The following TBC1D5 variants were observed in gnomAD, a reference collection of about 807,000 sequenced individuals.
The protein encoded by TBC1D5 is TBC1 domain family member 5.
TBC1D5 carries 75 observed loss-of-function variants against 100.3 expected under a neutral mutation model. That is an observed-to-expected ratio of 0.75 (90% confidence interval 0.62 to 0.91). TBC1D5 has a LOEUF of 0.91. Among genes scored for constraint, TBC1D5 ranks in the 40% least tolerant of loss-of-function variants. The pLI is 0.00. For synonymous variants in TBC1D5, 323 were observed against 325.6 expected, an observed-to-expected ratio of 0.99 and a Z score of 0.09; for missense variants, 910 against 942.4, an observed-to-expected ratio of 0.97 and a Z score of 0.45.
intron 21 of TBC1D5, 56 bp from the exon 23 acceptor site, chr3:17,161,312 G>C (rs1441622290): frequency 1.3e-6 from 2 of 1,542,480 alleles, no homozygotes; most frequent in African/African-American, 2.7e-5. Context: ...GCAAAGAACT[G>C]AGTGGAAGGC....
intron 19 of TBC1D5, among the ~76,000 whole-genome samples, chr3:17,180,079 G>A (rs867899653): frequency 6.6e-6 from 1 of 152,324 alleles, no homozygotes; most frequent in Middle Eastern, 3.4e-3. Context: ...TCAACTCACT[G>A]TCAGGATGAC....
chr3:17,454,004 G>A (rs542262327), intron 3 of TBC1D5, among the ~76,000 whole-genome samples: 1 of 152,124 alleles, frequency 6.6e-6, no homozygotes, highest in Non-Finnish European at 1.5e-5. Flanking sequence ...TGGAATGAAG[G>A]ATAAAAACCA....
chr3:17,326,511 T>C (rs941130433), intron 13 of TBC1D5, among the ~76,000 whole-genome samples: 8 of 152,210 alleles, frequency 5.3e-5, no homozygotes, highest in Admixed American at 3.9e-4. Flanking sequence ...CTCACTCTGT[T>C]GCCCAGGCTG....
chr3:17,545,394 G>A (rs9682885), intron 2 of TBC1D5, among the ~76,000 whole-genome samples: 99 of 152,316 alleles, frequency 6.5e-4, no homozygotes, highest in African/African-American at 2.3e-3. Context: ...CAGACTTACA[G>A]CTTCCAAAAC....
chr3:17,396,127 TGTGAACAA>T (rs2093498355), intron 8 of TBC1D5, among the ~76,000 whole-genome samples: 1 of 152,082 alleles, frequency 6.6e-6, no homozygotes, highest in Non-Finnish European at 1.5e-5. Context: ...CTTTCTCGGC[TGTGAACAA>T]GTGCATATGT....
intron 3 of TBC1D5, among the ~76,000 whole-genome samples, chr3:17,470,447 G>C (rs1422794812): frequency 1.3e-5 from 2 of 152,108 alleles, no homozygotes; most frequent in African/African-American, 2.4e-5. Context: ...AACACCCTAA[G>C]AATTTGTGTT....
chr3:17,526,997 T>C (rs1403824600), intron 2 of TBC1D5, among the ~76,000 whole-genome samples: 3 of 152,208 alleles, frequency 2.0e-5, no homozygotes, highest in African/African-American at 7.2e-5. Context: ...TTAGTACTTA[T>C]TGAATCCTCC....
At chr3:17,239,126 T>C (rs2149050703) in intron 16 of TBC1D5, among the ~76,000 whole-genome samples, 1 of 152,272 alleles carries the variant, frequency 6.6e-6, no homozygotes, top group Admixed American at 6.5e-5. Flanking sequence ...CAAATACAAG[T>C]TTCATGAGGG....
At chr3:17,180,976 A>G (rs1335533160) in intron 19 of TBC1D5, among the ~76,000 whole-genome samples, 2 of 152,092 alleles carry the variant, frequency 1.3e-5, no homozygotes, top group African/African-American at 2.4e-5. Flanking sequence ...CTCGATATGA[A>G]TGGAACTTTG....
chr3:17,559,697 C>T (rs1455038845), intron 2 of TBC1D5, among the ~76,000 whole-genome samples: 2 of 151,754 alleles, frequency 1.3e-5, no homozygotes, highest in South Asian at 2.1e-4. Context: ...TCAAGCGATT[C>T]TCCTGCCTCA....
At chr3:17,380,045 ATGTGTGTGTGTGTGTGTGTGTGTG>A (rs3041142) in intron 9 of TBC1D5, among the ~76,000 whole-genome samples, 5 of 112,450 alleles carry the variant, frequency 4.4e-5, no homozygotes, top group African/African-American at 2.0e-4. Flanking sequence ...GTGACTGTGT[ATGTGTGTGTGTGTGTGTGTGTGTG>A]TGTGTGTGTG....
intron 3 of TBC1D5, among the ~76,000 whole-genome samples, chr3:17,429,219 C>T (rs767980094): frequency 6.6e-6 from 1 of 151,796 alleles, no homozygotes; most frequent in South Asian, 2.1e-4. Flanking sequence ...ACAAATTATA[C>T]ATATCAATTT....
chr3:17,409,806 CAAAGA>C (rs1400462153), intron 4 of TBC1D5, among the ~76,000 whole-genome samples: 1 of 151,974 alleles, frequency 6.6e-6, no homozygotes, highest in East Asian at 1.9e-4. Flanking sequence ...AGGAAGCTGC[CAAAGA>C]AAAGTTGGAA....
At chr3:17,667,362 T>C (rs1255055029) in intron 1 of TBC1D5, among the ~76,000 whole-genome samples, 1 of 152,172 alleles carries the variant, frequency 6.6e-6, no homozygotes, top group African/African-American at 2.4e-5. Context: ...AAAAACATAA[T>C]TTATTAAGCC....
At chr3:17,256,362 T>C (rs1370460196) in intron 16 of TBC1D5, among the ~76,000 whole-genome samples, 1 of 149,272 alleles carries the variant, frequency 6.7e-6, no homozygotes, top group Non-Finnish European at 1.5e-5. Context: ...TCAAGATACT[T>C]TGCACAAGAA....
intron 3 of TBC1D5, among the ~76,000 whole-genome samples, chr3:17,484,673 A>G (rs1255026765): frequency 6.6e-6 from 1 of 152,002 alleles, no homozygotes; most frequent in Non-Finnish European, 1.5e-5. Context: ...TCATAGAGAT[A>G]GGGTCTTCCC....
chr3:17,399,864 TG>T lies in TBC1D5; in HGVS notation c.509+3316del, dbSNP rs376920581. Among the ~76,000 whole-genome samples, 363 of 152,250 alleles carry T rather than the reference TG, an allele frequency of 2.4e-3. 2 individuals are homozygous for T. Among genetic ancestry groups the T allele is most frequent in the African/African-American group, 8.1e-3 (336 of 41,566 alleles). ...GCCCTAGCTACTCCCTCTGTCTACA[TG>T]TTCTTGCCCTAGTTCTTCAGATGTC... is the stretch of plus-strand genomic sequence containing the variant. On this transcript the variant is annotated intron_variant, in intron 8 of 21. Transcript: ENST00000253692.
At chr3:17,418,923 G>C (rs1389640821) in intron 4 of TBC1D5, among the ~76,000 whole-genome samples, 1 of 152,174 alleles carries the variant, frequency 6.6e-6, no homozygotes, top group African/African-American at 2.4e-5. Context: ...TGAGACTACA[G>C]TATTCTAAGG....
intron 3 of TBC1D5, among the ~76,000 whole-genome samples, chr3:17,430,373 A>C (rs964496193): frequency 5.3e-5 from 8 of 151,820 alleles, no homozygotes; most frequent in African/African-American, 1.9e-4. Flanking sequence ...CAAATATAAA[A>C]TCCTTCAAAT....
Sources: allele counts gnomAD v4.1 joint callset (sites outside exome capture counted in the v4.1 genomes callset), GRCh38; gene constraint gnomAD v4.1.1; transcripts MANE v1.5; gene names NCBI Gene and HGNC (gene_info 2026-07-23, HGNC 2026-07-21).